The following FUT9 variants were observed in gnomAD, a reference collection of about 807,000 sequenced individuals.
The protein encoded by FUT9 is 4-galactosyl-N-acetylglucosaminide 3-alpha-L-fucosyltransferase 9.
A neutral mutation model predicts 29.7 loss-of-function variants in FUT9; 15 were observed. The observed-to-expected ratio is 0.51, with a 90% CI of 0.34 to 0.78. The LOEUF is 0.78. FUT9 is among the 30% of genes least tolerant of loss of function. FUT9 has a pLI of 0.01. For missense variants in FUT9, 319 were observed against 425.4 expected (o/e 0.75, Z 2.20); for synonymous variants, 169 against 153.7 (o/e 1.10, Z -0.74).
chr6:96,078,086 G>A (rs1332852723), intron 1 of FUT9, among the ~76,000 whole-genome samples: 1 of 151,972 alleles, frequency 6.6e-6, no homozygotes, highest in African/African-American at 2.4e-5. Context: ...TTCTATTTCC[G>A]GGATGCATAT....
At chr6:96,135,142 A>G (rs1370637180) in intron 2 of FUT9, among the ~76,000 whole-genome samples, 5 of 151,948 alleles carry the variant, frequency 3.3e-5, no homozygotes, top group African/African-American at 1.2e-4. Flanking sequence ...ACAATGTGGA[A>G]GATAAATTAT....
At chr6:96,075,749 C>T (rs948901273) in intron 1 of FUT9, among the ~76,000 whole-genome samples, 10 of 152,018 alleles carry the variant, frequency 6.6e-5, no homozygotes, top group African/African-American at 2.4e-4. Context: ...TAGTATCAGC[C>T]GATTCCTTAA....
chr6:96,016,181 G>C lies in FUT9; in HGVS notation c.-129G>C, dbSNP rs899810296. ...CTCCTGCGCCGCGCAGCCCTCGCGA[G>C]CGCCCCGGATGGCGCTTTACCCCTA... On this transcript the variant is annotated 5_prime_UTR_variant, in exon 1 of 3. Transcript: ENST00000302103. The C allele has an allele frequency of 6.5e-6, 1 of 153,666 alleles. No individual in the cohort carries two copies. Among genetic ancestry groups the C allele is most frequent in the African/African-American group, 2.4e-5 (1 of 41,462 alleles). The allele number at this position is 153,666 out of a possible 1,614,324, so 9.5% of individuals were successfully genotyped here. A position where few individuals can be genotyped will look rare whatever the true frequency, so the allele number is the denominator to read the frequency against.
At chr6:96,134,814 C>T (rs1485368500) in intron 2 of FUT9, among the ~76,000 whole-genome samples, 1 of 151,892 alleles carries the variant, frequency 6.6e-6, no homozygotes, top group Non-Finnish European at 1.5e-5. Flanking sequence ...TATACTACTT[C>T]TCTCGTGTAG....
chr6:96,138,362 T>C (rs140591153), intron 2 of FUT9, among the ~76,000 whole-genome samples: 256 of 152,332 alleles, frequency 1.7e-3, no homozygotes, highest in Middle Eastern at 6.8e-3. Flanking sequence ...TTCTATTTTT[T>C]TCTTTGTTTT....
chr6:96,072,725 A>C (rs1440905239), intron 1 of FUT9, among the ~76,000 whole-genome samples: 1 of 152,210 alleles, frequency 6.6e-6, no homozygotes, highest in Non-Finnish European at 1.5e-5. Flanking sequence ...TTAGTGAAAG[A>C]AGATTTTTTA....
chr6:96,102,212 G>T (rs1771598086), intron 1 of FUT9, among the ~76,000 whole-genome samples: 1 of 151,830 alleles, frequency 6.6e-6, no homozygotes, highest in South Asian at 2.1e-4. Context: ...TAATGTAAAT[G>T]TTCATATGTA....
chr6:96,076,523 C>T (rs1483234367), intron 1 of FUT9, among the ~76,000 whole-genome samples: 6 of 152,100 alleles, frequency 3.9e-5, no homozygotes, highest in Non-Finnish European at 8.8e-5. Context: ...TAGCATTTCG[C>T]CATGTGAGAT....
intron 1 of FUT9, among the ~76,000 whole-genome samples, chr6:96,052,426 T>A (rs557618144): frequency 6.6e-6 from 1 of 152,334 alleles, no homozygotes; most frequent in East Asian, 1.9e-4. Flanking sequence ...TCCCTGCATT[T>A]TATTCCCTAA....
chr6:96,069,451 A>C (rs1397711049), intron 1 of FUT9, among the ~76,000 whole-genome samples: 6 of 152,132 alleles, frequency 3.9e-5, no homozygotes, highest in Non-Finnish European at 5.9e-5. Flanking sequence ...AATCTTAGTG[A>C]CAAGATTTTT....
rs144805588 is a variant in FUT9, at chr6:96,063,391, C to A, written c.-98+47179C>A. On this transcript the variant is annotated intron_variant, in intron 1 of 2. Transcript: ENST00000302103. ...AGGCAAAGGGGGAACAAGCGCATCA[C>A]ATGGCAAAAGCAGGAACAAGGGAGA... Among the ~76,000 whole-genome samples the A allele has an allele frequency of 3.3e-5, 5 of 152,234 alleles. No individual in the cohort carries two copies. The East Asian group carries it at 9.7e-4, about 29-fold the overall frequency.
rs573916199 is a variant in FUT9 at position 96,070,704 on chromosome 6, T to C, written c.-97-43335T>C. 7.2e-5 allele frequency among the ~76,000 whole-genome samples: 11 copies of C among 152,190 alleles called. No homozygotes were observed. The South Asian group carries it at 2.3e-3, about 32-fold the overall frequency. Reference sequence around the variant, plus strand: ...CCCATCTCAAAAAAAAATTAATTAATTAATTTAATTAAGTTAGAATTACAT... The same window carrying C: ...CCCATCTCAAAAAAAAATTAATTAACTAATTTAATTAAGTTAGAATTACAT... On this transcript the variant is annotated intron_variant, in intron 1 of 2. Coordinates refer to ENST00000302103, the MANE Select transcript of FUT9 (RefSeq NM_006581.4).
At chr6:96,156,947 T>C (rs1772796670) in intron 2 of FUT9, among the ~76,000 whole-genome samples, 1 of 152,224 alleles carries the variant, frequency 6.6e-6, no homozygotes, top group African/African-American at 2.4e-5. Context: ...AATGAAATAA[T>C]GGGCAGACAA....
chr6:96,116,284 C>A (rs543204363), intron 2 of FUT9, among the ~76,000 whole-genome samples: 1 of 152,206 alleles, frequency 6.6e-6, no homozygotes, highest in South Asian at 2.1e-4. Context: ...ATCAAATATT[C>A]ATAAGCATGC....
chr6:96,133,443 T>C (rs749446293), intron 2 of FUT9, among the ~76,000 whole-genome samples: 1 of 151,966 alleles, frequency 6.6e-6, no homozygotes, highest in Non-Finnish European at 1.5e-5. Flanking sequence ...GGTTATTTTT[T>C]GAATAATAAG....
chr6:96,056,196 CTCTA>C (rs1770764196), intron 1 of FUT9, among the ~76,000 whole-genome samples: 1 of 152,186 alleles, frequency 6.6e-6, no homozygotes, highest in African/African-American at 2.4e-5. Context: ...CTGCCTTGGA[CTCTA>C]TCTTGTCTAA....
chr6:96,191,046 C>T (rs1362846870), intron 2 of FUT9, among the ~76,000 whole-genome samples: 1 of 152,028 alleles, frequency 6.6e-6, no homozygotes. Context: ...TTTTCTCTAC[C>T]TTTGGTCTTT....
intron 1 of FUT9, among the ~76,000 whole-genome samples, chr6:96,074,318 G>A (rs1771109587): frequency 6.6e-6 from 1 of 152,130 alleles, no homozygotes; most frequent in African/African-American, 2.4e-5. Flanking sequence ...AGAGCTAGAA[G>A]AATAGGGTCT....
Position 96,190,985 on chromosome 6 carries a change from G to C in FUT9, c.-8-12163G>C, listed in dbSNP as rs1426866122. ...TCCTTTGAAGGGGGAGAGGCACTCT[G>C]ATTTTTAGAATTTTCAGCTTTTCTG... On this transcript the variant is annotated intron_variant, in intron 2 of 2. Coordinates refer to ENST00000302103, the MANE Select transcript of FUT9 (RefSeq NM_006581.4). 3.3e-5 allele frequency among the ~76,000 whole-genome samples: 5 copies of C among 152,118 alleles called. No homozygotes were observed. In the East Asian group the frequency reaches 9.6e-4, roughly 29 times the overall value.
Sources: gnomAD v4.1 joint callset for allele counts (sites outside exome capture counted in the v4.1 genomes callset) on GRCh38, gnomAD v4.1.1 for gene constraint, MANE v1.5 for transcripts, NCBI Gene and HGNC (gene_info 2026-07-23, HGNC 2026-07-21) for gene names.